CUL2: variants seen among roughly 807,000 people sequenced by gnomAD.
The protein encoded by CUL2 is cullin-2.
Under a neutral mutation model 110.2 loss-of-function variants are expected in CUL2, and 22 were observed. The ratio of observed to expected loss-of-function variants is 0.20; its 90% CI spans 0.14 to 0.28. The LOEUF (loss-of-function observed/expected upper bound fraction) is 0.28, where lower values mean the gene tolerates loss of function less well. Ranked by LOEUF, CUL2 falls within the 10% of genes least tolerant of loss-of-function variation. CUL2 has a pLI of 1.00. For missense variants in CUL2, 631 were observed against 905.5 expected, an observed-to-expected ratio of 0.70 and a Z score of 3.89; for synonymous variants, 279 against 293.2, an observed-to-expected ratio of 0.95 and a Z score of 0.49.
At chr10:35,022,646 G>A (rs541873227) in intron 17 of CUL2, among the ~76,000 whole-genome samples, 1 of 152,274 alleles carries the variant, frequency 6.6e-6, no homozygotes, top group African/African-American at 2.4e-5. Flanking sequence ...AAAATAAAAT[G>A]AAAAATGTTG....
At chr10:35,045,490 G>A (rs1282494473) in intron 6 of CUL2, among the ~76,000 whole-genome samples, 12 of 147,812 alleles carry the variant, frequency 8.1e-5, no homozygotes, top group Admixed American at 7.5e-4. Context: ...GAGGTGGGAT[G>A]ATCCCTTGAG....
intron 11 of CUL2, among the ~76,000 whole-genome samples, chr10:35,032,954 T>C (rs555456421): frequency 1.3e-5 from 2 of 152,296 alleles, no homozygotes; most frequent in African/African-American, 2.4e-5. Context: ...TCCCCTTATA[T>C]AGCATAATCA....
Position 35,016,321 on chromosome 10 carries a change from A to G in CUL2, c.1758T>C (p.Leu586=). ...TGACAGTTTCACTGTTGTTAAAGGC[A>G]AGAAGAACTGCCATTTGGTATGTTG... ...MVTTYQMAVL[L]AFNNSETVSY... is the part of the protein sequence containing the mutation. Residue 586 remains leucine (L), a synonymous_variant, in exon 18 of 21, where the codon CTT becomes CTC. Transcript: ENST00000374749. The G allele has an allele frequency of 6.2e-7, 1 of 1,614,040 alleles. No homozygotes were observed. Among genetic ancestry groups the G allele is most frequent in the Non-Finnish European group, 8.5e-7 (1 of 1,179,948 alleles).
chr10:35,013,176 T>C (rs1311598080), intron 19 of CUL2, among the ~76,000 whole-genome samples: 1 of 151,730 alleles, frequency 6.6e-6, no homozygotes, highest in Non-Finnish European at 1.5e-5. Context: ...CCGTCTATAC[T>C]AAAAGTACAA....
chr10:35,072,684 G>A (rs1173817395), intron 1 of CUL2, among the ~76,000 whole-genome samples: 1 of 152,110 alleles, frequency 6.6e-6, no homozygotes, highest in African/African-American at 2.4e-5. Context: ...GGGCTTTTAA[G>A]GGAGTTCAAA....
upstream of CUL2, among the ~76,000 whole-genome samples, chr10:35,091,501 T>C (rs1221591771): frequency 6.6e-6 from 1 of 152,184 alleles, no homozygotes; most frequent in Non-Finnish European, 1.5e-5. Flanking sequence ...TCCTCCCATG[T>C]TTTCCCCCTT....
intron 1 of CUL2, among the ~76,000 whole-genome samples, chr10:35,084,322 A>G (rs1396264679): frequency 6.6e-6 from 1 of 152,194 alleles, no homozygotes; most frequent in Non-Finnish European, 1.5e-5. Flanking sequence ...TTAATTCTCC[A>G]GAATAACAAA....
chr10:35,031,932 T>A lies in CUL2; in HGVS notation c.1171-313A>T, dbSNP rs113019197. ...TCATAAATGTAAACTAAATAAAATA[T>A]ACATCATAAGGTAAATTTTTAAAAA... On this transcript the variant is annotated intron_variant, in intron 12 of 20. Coordinates refer to ENST00000374749, the MANE Select transcript of CUL2 (RefSeq NM_003591.4). The surrounding 1 kb of genome is among the most constrained non-coding windows in gnomAD (Gnocchi z 4.4). Among the ~76,000 whole-genome samples the A allele has an allele frequency of 1.3e-5, 2 of 152,300 alleles. No individual in the cohort carries two copies. The highest frequency in any genetic ancestry group is 4.8e-5 in the African/African-American group (2 of 41,560).
At chr10:35,094,848 C>A (rs963311245), upstream of CUL2, among the ~76,000 whole-genome samples, 1 of 152,064 alleles carries the variant, frequency 6.6e-6, no homozygotes, top group Non-Finnish European at 1.5e-5. Context: ...TCTGGGTAAC[C>A]CTTTAAGTTA....
chr10:35,034,093 T>C (rs981023043), intron 10 of CUL2, among the ~76,000 whole-genome samples: 2 of 152,186 alleles, frequency 1.3e-5, no homozygotes, highest in African/African-American at 4.8e-5. Flanking sequence ...GAGTTTTCCC[T>C]CTTAATGGAG....
chr10:35,097,491 CAAAA>C (rs71523359), intron 2 of CUL2, among the ~76,000 whole-genome samples: 9 of 92,606 alleles, frequency 9.7e-5, no homozygotes, highest in Admixed American at 1.2e-4. Context: ...CCCCCTGTCT[CAAAA>C]AAAAAAAAAA....
At chr10:35,061,462 A>C (rs749992329) in intron 3 of CUL2, among the ~76,000 whole-genome samples, 23 of 70,736 alleles carry the variant, frequency 3.3e-4, no homozygotes, top group Non-Finnish European at 6.1e-4. Context: ...TCTGTCTCCC[A>C]AAAAAAAAAA....
intron 16 of CUL2, among the ~76,000 whole-genome samples, chr10:35,028,376 C>A (rs1391641033): frequency 1.3e-5 from 2 of 152,198 alleles, no homozygotes; most frequent in African/African-American, 4.8e-5. Context: ...ACTACTTACT[C>A]TACTAGCAGT....
chr10:35,036,005 T>C (rs2085611934), intron 9 of CUL2, among the ~76,000 whole-genome samples: 1 of 152,202 alleles, frequency 6.6e-6, no homozygotes, highest in South Asian at 2.1e-4. Context: ...CATAAGTGTA[T>C]ATCTTACTGA....
chr10:35,077,604 G>T (rs1445126110), intron 1 of CUL2, among the ~76,000 whole-genome samples: 1 of 151,886 alleles, frequency 6.6e-6, no homozygotes, highest in African/African-American at 2.4e-5. Flanking sequence ...CATTACCTGA[G>T]GTCACGAGTT....
At chr10:35,093,491 T>C (rs1264733753), upstream of CUL2, among the ~76,000 whole-genome samples, 2 of 151,224 alleles carry the variant, frequency 1.3e-5, no homozygotes. Context: ...AAACCCCATC[T>C]CTACAAAAAA....
At chr10:35,072,536 T>C (rs1215781066) in intron 1 of CUL2, among the ~76,000 whole-genome samples, 3 of 152,018 alleles carry the variant, frequency 2.0e-5, no homozygotes, top group Non-Finnish European at 2.9e-5. Context: ...GCCCGGCTCA[T>C]TTTTTGTATT....
In CUL2 at chr10:35,044,772, C is replaced by T; in HGVS notation, c.603G>A (p.Lys201=). The T allele has an allele frequency of 6.2e-7, 1 of 1,607,904 alleles. No homozygotes were observed. The highest frequency in any genetic ancestry group is 8.5e-7 in the Non-Finnish European group (1 of 1,176,486). Residue 201 remains lysine (K), a splice_region_variant and synonymous_variant, in exon 7 of 21, where the codon AAG becomes AAA. Transcript: ENST00000374749. ...VEQYKKKFPL[K]FYQEIFESPF... is the part of the protein sequence containing the mutation. The stretch of plus-strand genomic sequence containing the variant: ...TTTGTTTTTAAAGGAGGCTGTTTAC[C>T]TTTAAGGGGAATTTTTTCTTATACT...
chr10:35,061,199 C>T (rs536741511), intron 3 of CUL2, among the ~76,000 whole-genome samples: 4 of 152,080 alleles, frequency 2.6e-5, no homozygotes, highest in South Asian at 2.1e-4. Flanking sequence ...CTGAGCCGAG[C>T]GCAGTGGCTC....
Sources: gnomAD v4.1 joint callset for allele counts (sites outside exome capture counted in the v4.1 genomes callset) on GRCh38, gnomAD v4.1.1 for gene constraint, Gnocchi (gnomAD v3.1) non-coding constraint, MANE v1.5 for transcripts, NCBI Gene and HGNC (gene_info 2026-07-23, HGNC 2026-07-21) for gene names.